The following TMEM132C variants were observed in gnomAD, a reference collection of about 807,000 sequenced individuals.
The protein encoded by TMEM132C is transmembrane protein 132C.
A neutral mutation model predicts 61.4 loss-of-function variants in TMEM132C; 29 were observed. The observed-to-expected ratio is 0.47, with a 90% confidence interval of 0.35 to 0.64. The LOEUF is 0.64. Among genes scored for constraint, TMEM132C ranks in the 30% least tolerant of loss-of-function variants. The pLI is 0.00. For synonymous variants in TMEM132C, 656 were observed against 633.1 expected (o/e 1.04, Z -0.54); for missense variants, 1,408 against 1,476.9 (o/e 0.95, Z 0.76).
In TMEM132C at chr12:128,696,088, G is replaced by T; in HGVS notation, c.1914G>T (p.Gly638=). The change falls in exon 7 of 9, where the codon GGG becomes GGT. Residue 638 remains glycine, a synonymous_variant. Transcript: ENST00000435159. ...GGGTCCTGGTTGGGCGAGAGGTTGG[G>T]ATGACGACCATCCAGGTAGGAAGCT... The part of the protein sequence containing the change: ...DSRVLVGREV[G]MTTIQVLSPL... 6.4e-7 allele frequency: 1 copy of T among 1,551,552 alleles called. No individual in the cohort carries two copies. The highest frequency in any genetic ancestry group is 8.7e-7 in the Non-Finnish European group (1 of 1,146,922).
Position 128,517,610 on chromosome 12 carries a change from A to G in TMEM132C, c.975-26347A>G, listed in dbSNP as rs117557386. ...AAGTATAACAAAATGCTAATTATAG[A>G]CTCTAGGTGGTAGGTCTATGGGTGT... On this transcript the variant is annotated intron_variant, in intron 2 of 8. Transcript: ENST00000435159. 5.5e-4 allele frequency among the ~76,000 whole-genome samples: 84 copies of G among 152,308 alleles called. No individual in the cohort carries two copies. The East Asian group carries it at 0.013, about 24-fold the overall frequency.
At chr12:128,459,167 C>T (rs144090065) in intron 2 of TMEM132C, among the ~76,000 whole-genome samples, 7 of 152,252 alleles carry the variant, frequency 4.6e-5, no homozygotes, top group East Asian at 3.9e-4. Context: ...ATAGTGGAGG[C>T]GGAGGTAAGC....
At chr12:128,541,674 A>G (rs532392363) in intron 2 of TMEM132C, among the ~76,000 whole-genome samples, 2 of 152,292 alleles carry the variant, frequency 1.3e-5, no homozygotes, top group African/African-American at 4.8e-5. Context: ...TTGCTGGTTC[A>G]TATAAAGGAG....
intron 1 of TMEM132C, among the ~76,000 whole-genome samples, chr12:128,271,008 A>G (rs1870494785): frequency 6.6e-6 from 1 of 152,076 alleles, no homozygotes; most frequent in Non-Finnish European, 1.5e-5. Context: ...TAATTCCAGC[A>G]CTTTGGGAGG....
intron 8 of TMEM132C, among the ~76,000 whole-genome samples, chr12:128,701,606 T>C (rs1262870369): frequency 6.6e-6 from 1 of 152,210 alleles, no homozygotes. Context: ...CCCAGGCTAC[T>C]CCAATTTTTC....
chr12:128,574,284 A>G (rs1357808416), intron 3 of TMEM132C, among the ~76,000 whole-genome samples: 6 of 152,222 alleles, frequency 3.9e-5, no homozygotes, highest in Non-Finnish European at 8.8e-5. Flanking sequence ...GCTCATTCCA[A>G]TGCTAATATT....
chr12:128,390,360 T>C (rs1874723504), intron 1 of TMEM132C, among the ~76,000 whole-genome samples: 1 of 152,210 alleles, frequency 6.6e-6, no homozygotes, highest in Non-Finnish European at 1.5e-5. Context: ...CCCTGCTTTT[T>C]CCAGCTTCTA....
intron 1 of TMEM132C, among the ~76,000 whole-genome samples, chr12:128,360,280 A>ACACC (rs1242737598): frequency 7.5e-5 from 11 of 146,332 alleles, no homozygotes; most frequent in South Asian, 4.4e-4. Context: ...ACACACACAC[A>ACACC]CCCCAGGATA....
At chr12:128,470,928 C>G (rs959532113) in intron 2 of TMEM132C, among the ~76,000 whole-genome samples, 1 of 152,120 alleles carries the variant, frequency 6.6e-6, no homozygotes, top group Admixed American at 6.5e-5. Context: ...ATCTGCCTAC[C>G]CCTGCCCTGA....
At chr12:128,328,043 T>C (rs1172237717) in intron 1 of TMEM132C, among the ~76,000 whole-genome samples, 1 of 152,122 alleles carries the variant, frequency 6.6e-6, no homozygotes. Flanking sequence ...TCAGAACCAG[T>C]CTTTCAGGTT....
Position 128,543,749 on chromosome 12 carries a change from G to A in TMEM132C, c.975-208G>A, listed in dbSNP as rs1276184209. The stretch of plus-strand genomic sequence containing the variant: ...TTTTCCTCCCCCTCAGAACCGGACA[G>A]CAAGGTCTGTGACTGCCTTATCCAC... On this transcript the variant is annotated intron_variant, in intron 2 of 8. Transcript: ENST00000435159. Among the ~76,000 whole-genome samples the A allele has an allele frequency of 2.6e-5, 4 of 152,090 alleles. No homozygotes were observed. The East Asian group carries it at 5.8e-4, about 22-fold the overall frequency.
intron 1 of TMEM132C, among the ~76,000 whole-genome samples, chr12:128,273,106 A>G (rs890374593): frequency 6.6e-6 from 1 of 152,194 alleles, no homozygotes; most frequent in African/African-American, 2.4e-5. Flanking sequence ...CAGGTCTTCT[A>G]TATTCCTACT....
intron 5 of TMEM132C, among the ~76,000 whole-genome samples, chr12:128,691,109 C>G (rs899315901): frequency 4.6e-5 from 7 of 152,308 alleles, no homozygotes; most frequent in African/African-American, 1.4e-4. Context: ...GCTTAGTATG[C>G]TAAGTGCTAT....
chr12:128,328,318 T>G (rs2135942566), intron 1 of TMEM132C, among the ~76,000 whole-genome samples: 1 of 152,286 alleles, frequency 6.6e-6, no homozygotes, highest in African/African-American at 2.4e-5. Flanking sequence ...CCATCATCTA[T>G]GGATAAGACC....
intron 1 of TMEM132C, among the ~76,000 whole-genome samples, chr12:128,405,975 T>C (rs1490219728): frequency 1.3e-5 from 2 of 152,240 alleles, no homozygotes; most frequent in Non-Finnish European, 2.9e-5. Context: ...TGTTCTTGTC[T>C]GCTGCAACAA....
At chr12:128,488,260 T>C (rs1180210077) in intron 2 of TMEM132C, among the ~76,000 whole-genome samples, 1 of 152,244 alleles carries the variant, frequency 6.6e-6, no homozygotes, top group Non-Finnish European at 1.5e-5. Context: ...GCCAGTTCTA[T>C]TGGAGAGCAG....
chr12:128,627,356 T>C (rs1211576111), intron 4 of TMEM132C, among the ~76,000 whole-genome samples: 1 of 152,186 alleles, frequency 6.6e-6, no homozygotes, highest in Non-Finnish European at 1.5e-5. Flanking sequence ...ATTTTAGCCT[T>C]GACAAAATTA....
At chr12:128,609,163 A>ACTGTAACCCCCGCCTCCCTGCAACC (rs1876532691) in intron 3 of TMEM132C, among the ~76,000 whole-genome samples, 1 of 37,346 alleles carries the variant, frequency 2.7e-5, no homozygotes, top group Non-Finnish European at 5.5e-5. Flanking sequence ...TCCCTGCAAC[A>ACTGTAACCCCCGCCTCCCTGCAACC]CTGTAACCCC....
chr12:128,406,583 C>T (rs1171500862), intron 1 of TMEM132C, among the ~76,000 whole-genome samples: 2 of 151,998 alleles, frequency 1.3e-5, no homozygotes, highest in South Asian at 2.1e-4. Context: ...ATCTGGGAAC[C>T]GAATGGAAAT....
Sources: gnomAD v4.1 joint callset for allele counts (sites outside exome capture counted in the v4.1 genomes callset) on GRCh38, gnomAD v4.1.1 for gene constraint, MANE v1.5 for transcripts, NCBI Gene and HGNC (gene_info 2026-07-23, HGNC 2026-07-21) for gene names.